Variants in CXCL14 observed in about 807,000 individuals in gnomAD.
CXCL14 encodes the protein C-X-C motif chemokine 14.
CXCL14 carries 9 observed loss-of-function variants against 16.1 expected under a neutral mutation model. The ratio of observed to expected loss-of-function variants is 0.56; its 90% CI spans 0.34 to 0.97. The LOEUF (loss-of-function observed/expected upper bound fraction) is 0.97, where lower values mean the gene tolerates loss of function less well. Ranked by LOEUF, CXCL14 falls within the 50% of genes least tolerant of loss-of-function variation. CXCL14 has a pLI of 0.02. For synonymous variants in CXCL14, 55 were observed against 52.8 expected (o/e 1.04, Z -0.18); for missense variants, 111 against 132.5 (o/e 0.84, Z 0.80).
chr5:135,571,960 T>G, intron 3 of CXCL14, 92 bp from the exon 4 acceptor site: 1 of 1,276,484 alleles, frequency 7.8e-7, no homozygotes, highest in Non-Finnish European at 1.1e-6. Context: ...ACGTCTGGTC[T>G]GCAGGGAATG....
At position 135,578,538 on chromosome 5, in the gene CXCL14, C is replaced by A. The variant is rs945641563; in HGVS notation, c.66G>T (p.Gly22=). 2 of 1,614,182 alleles carry A rather than the reference C, an allele frequency of 1.2e-6. No individual in the cohort carries two copies. Among genetic ancestry groups the A allele is most frequent in the African/African-American group, 2.7e-5 (2 of 75,076 alleles). ...CCTTCCGGGAGCACTTGCATTTGGA[C>A]CCTGCGAGCGAGCGCGGGGCAACGG... ...LLALYTARVD[G]SKCKCSRKGP... Residue 22 remains glycine (G), a splice_region_variant and synonymous_variant, in exon 2 of 4, where the codon GGG becomes GGT. Transcript: ENST00000512158.
At position 135,571,874 on chromosome 5, in the gene CXCL14, G is replaced by A; in HGVS notation, c.285-6C>T. ...CACCCTATTCTTCGTAGACCCTGGG[G>A]AGAAAAAACACATGTGTAAGTGGCT... On this transcript the variant is annotated splice_region_variant and splice_polypyrimidine_tract_variant and intron_variant, in intron 3 of 3. Coordinates refer to ENST00000512158, the MANE Select transcript of CXCL14 (RefSeq NM_004887.5). The A allele has an allele frequency of 1.2e-6, 2 of 1,603,074 alleles. No individual in the cohort carries two copies.
At chr5:135,576,825 T>C (rs73300419) in intron 2 of CXCL14, among the ~76,000 whole-genome samples, 6,924 of 151,954 alleles carry the variant, frequency 0.046, 542 homozygotes, top group African/African-American at 0.16. Flanking sequence ...GTTCAGCCTT[T>C]GTGGCTGAAA....
At chr5:135,575,237 C>T (rs765059104) in intron 2 of CXCL14, among the ~76,000 whole-genome samples, 2 of 152,170 alleles carry the variant, frequency 1.3e-5, no homozygotes, top group African/African-American at 4.8e-5. Context: ...ATCTCCTGAT[C>T]CTGAGGCAAA....
At position 135,573,554 on chromosome 5, in the gene CXCL14, G is replaced by T. The variant is rs940861355; in HGVS notation, c.284+1018C>A. 2.6e-5 allele frequency among the ~76,000 whole-genome samples: 4 copies of T among 152,068 alleles called. 1 individual carries two copies. The highest frequency in any genetic ancestry group is 1.3e-4 in the Admixed American group (2 of 15,266). ...TCCACCCTGTGAGGGCAGCTGGTGG[G>T]GTAGCACCAGGAGGCCTGGTTTGCT... On this transcript the variant is annotated intron_variant, in intron 3 of 3. Coordinates refer to ENST00000512158, the MANE Select transcript of CXCL14 (RefSeq NM_004887.5).
chr5:135,571,785 T>TTTTTTTTTTG lies in CXCL14; in HGVS notation c.*67_*68insCAAAAAAAAA. The TTTTTTTTTTG allele has an allele frequency of 2.4e-6, 1 of 412,546 alleles. No homozygotes were observed. The highest frequency in any genetic ancestry group is 4.2e-6 in the Non-Finnish European group (1 of 237,282). The allele number at this position is 412,546 out of a possible 1,614,324, so 25.6% of individuals were successfully genotyped here. On this transcript the variant is annotated 3_prime_UTR_variant, in exon 4 of 4. Transcript: ENST00000512158. ...TTTTTTTTTTTTTTTTTTTTTTTTT[T>TTTTTTTTTTG]AATCTGCAAAGTCCTTTGCACAAGT...
rs759069246 is a variant in CXCL14, at chr5:135,571,841, A to G, written c.*12T>C. 2.0e-6 allele frequency: 3 copies of G among 1,489,354 alleles called. No individual in the cohort carries two copies. In the South Asian group the frequency reaches 3.4e-5, roughly 17 times the overall value. The allele number at this position is 1,489,354 out of a possible 1,614,324, so 92.3% of individuals were successfully genotyped here. A position where few individuals can be genotyped will look rare whatever the true frequency, so the allele number is the denominator to read the frequency against. On this transcript the variant is annotated 3_prime_UTR_variant, in exon 4 of 4. Transcript: ENST00000512158. Reference sequence around the variant, plus strand: ...AACTGGTTTGGAGTTTTCCCTTCTGAGGTTTTTCACCCTATTCTTCGTAGA... The same window carrying G: ...AACTGGTTTGGAGTTTTCCCTTCTGGGGTTTTTCACCCTATTCTTCGTAGA...
chr5:135,571,650 G>A lies in CXCL14; in HGVS notation c.*203C>T, dbSNP rs150325595. 66 of 540,024 alleles carry A rather than the reference G, an allele frequency of 1.2e-4. No homozygotes were observed. The East Asian group carries it at 1.5e-3, about 12-fold the overall frequency. 33.5% of individuals were successfully genotyped at this position (540,024 alleles called of 1,614,324 possible). ...TGGGTCTCCCATCTGGAAGCCTTTCGCACGCAGCTATAAAATGTAAAAACT... is the reference window on the plus strand; with the variant it reads ...TGGGTCTCCCATCTGGAAGCCTTTCACACGCAGCTATAAAATGTAAAAACT... On this transcript the variant is annotated 3_prime_UTR_variant, in exon 4 of 4. Transcript: ENST00000512158.
intron 3 of CXCL14, among the ~76,000 whole-genome samples, chr5:135,574,145 T>G (rs1751064069): frequency 6.6e-6 from 1 of 152,242 alleles, no homozygotes; most frequent in Non-Finnish European, 1.5e-5. Context: ...CATGGTTTTA[T>G]AGCGCAGTTT....
Position 135,571,576 on chromosome 5 carries a change from C to A in CXCL14, c.*277G>T. The A allele has an allele frequency of 2.2e-6, 1 of 455,210 alleles. No individual in the cohort carries two copies. Among genetic ancestry groups the A allele is most frequent in the Non-Finnish European group, 3.8e-6 (1 of 259,932 alleles). 28.2% of individuals were successfully genotyped at this position (455,210 alleles called of 1,614,324 possible). A position where few individuals can be genotyped will look rare whatever the true frequency, so the allele number is the denominator to read the frequency against. ...TAAAAAGGAAAGGCATGAGTTTTCC[C>A]CTTTTTGATAAAAAGCAGCCTGTGA... On this transcript the variant is annotated 3_prime_UTR_variant, in exon 4 of 4. Transcript: ENST00000512158.
At position 135,571,785 on chromosome 5, in the gene CXCL14, T is replaced by TTATTATA; in HGVS notation, c.*67_*68insTATAATA. On this transcript the variant is annotated 3_prime_UTR_variant, in exon 4 of 4. Transcript: ENST00000512158. The stretch of plus-strand genomic sequence containing the variant: ...TTTTTTTTTTTTTTTTTTTTTTTTT[T>TTATTATA]AATCTGCAAAGTCCTTTGCACAAGT... 2.4e-6 allele frequency: 1 copy of TTATTATA among 412,548 alleles called. No homozygotes were observed. The highest frequency in any genetic ancestry group is 4.2e-6 in the Non-Finnish European group (1 of 237,284). The allele number at this position is 412,548 out of a possible 1,614,324, so 25.6% of individuals were successfully genotyped here. A position where few individuals can be genotyped will look rare whatever the true frequency, so the allele number is the denominator to read the frequency against.
chr5:135,576,601 C>T (rs1052347780), intron 2 of CXCL14, among the ~76,000 whole-genome samples: 4 of 152,190 alleles, frequency 2.6e-5, no homozygotes, highest in African/African-American at 9.7e-5. Context: ...CTCTCCTCCA[C>T]AGTTCTGGCG....
At chr5:135,578,386 G>A (rs866912043) in intron 2 of CXCL14, 48 bp downstream of exon 2, 1 of 1,493,644 alleles carries the variant, frequency 6.7e-7, no homozygotes, top group Middle Eastern at 1.7e-4. Flanking sequence ...CCCTGGCATT[G>A]GGTTGACAGC....
At position 135,578,399 on chromosome 5, in the gene CXCL14, T is replaced by C. The variant is rs771365067; in HGVS notation, c.170+35A>G. On this transcript the variant is annotated intron_variant, in intron 2 of 3. Coordinates refer to ENST00000512158, the MANE Select transcript of CXCL14 (RefSeq NM_004887.5). ...TGCCCTGGCATTGGGTTGACAGCAGTGCGCACCCCCTCAAGGTGAGGAGCG... is the reference window on the plus strand; with the variant it reads ...TGCCCTGGCATTGGGTTGACAGCAGCGCGCACCCCCTCAAGGTGAGGAGCG... 4 of 1,566,564 alleles carry C rather than the reference T, an allele frequency of 2.6e-6. No individual in the cohort carries two copies. In the African/African-American group the frequency reaches 5.4e-5, roughly 21 times the overall value.
Position 135,578,736 on chromosome 5 carries a change from G to C in CXCL14, c.43C>G (p.Leu15Val). 6.5e-7 allele frequency: 1 copy of C among 1,548,352 alleles called. No individual in the cohort carries two copies. Among genetic ancestry groups the C allele is most frequent in the Non-Finnish European group, 8.7e-7 (1 of 1,146,522 alleles). ...AAALLLLLLA[L>V]YTARVDGSKC... ...TCACCGTCCACACGCGCGGTGTACA[G>C]CGCCAGCAGCAGCAGGAGCAGCGCG... The change falls in exon 1 of 4, where the codon CTG (leucine) becomes GTG (valine). Residue 15 changes from leucine (L) to valine (V), a missense_variant. Coordinates refer to ENST00000512158, the MANE Select transcript of CXCL14 (RefSeq NM_004887.5).
chr5:135,578,703 C>T lies in CXCL14; in HGVS notation c.64+12G>A. 1.3e-6 allele frequency: 2 copies of T among 1,552,186 alleles called. No homozygotes were observed. Among genetic ancestry groups the T allele is most frequent in the South Asian group, 2.4e-5 (2 of 84,382 alleles). On this transcript the variant is annotated intron_variant, in intron 1 of 3. Transcript: ENST00000512158. ...AGACGAGACGGCGACAAGGGGAGCT[C>T]CCCGCACTCACCGTCCACACGCGCG...
chr5:135,571,869 C>G lies in CXCL14; in HGVS notation c.285-1G>C. 6.3e-7 allele frequency: 1 copy of G among 1,592,434 alleles called. No homozygotes were observed. The highest frequency in any genetic ancestry group is 8.6e-7 in the Non-Finnish European group (1 of 1,168,624). On this transcript the variant is annotated splice_acceptor_variant, in intron 3 of 3. Transcript: ENST00000512158. LOFTEE classifies it high-confidence loss of function. ...TTTTTCACCCTATTCTTCGTAGACC[C>G]TGGGGAGAAAAAACACATGTGTAAG...
In CXCL14 at chr5:135,577,692, T is replaced by A. The variant is rs1398168201; in HGVS notation, c.170+742A>T. On this transcript the variant is annotated intron_variant, in intron 2 of 3. Coordinates refer to ENST00000512158, the MANE Select transcript of CXCL14 (RefSeq NM_004887.5). ...GGCTCCCTTCCTGGCCAAGAGCATA[T>A]TGATGAGGAGGCAGCGGTGCTGGCC... 2.0e-5 allele frequency among the ~76,000 whole-genome samples: 3 copies of A among 152,266 alleles called. No homozygotes were observed. In the East Asian group the frequency reaches 5.8e-4, roughly 29 times the overall value.
chr5:135,574,485 T>C (rs1014426084), intron 3 of CXCL14, 87 bp downstream of exon 3: 4 of 983,278 alleles, frequency 4.1e-6, no homozygotes, highest in Non-Finnish European at 6.3e-6. Flanking sequence ...TAGATGGGGC[T>C]AGATGACCTG....
Sources: allele counts gnomAD v4.1 joint callset (sites outside exome capture counted in the v4.1 genomes callset), GRCh38; gene constraint gnomAD v4.1.1; transcripts MANE v1.5; gene names NCBI Gene and HGNC (gene_info 2026-07-23, HGNC 2026-07-21).